GNE: variants seen among roughly 807,000 people sequenced by gnomAD.
GNE encodes glucosamine (UDP-N-acetyl)-2-epimerase/N-acetylmannosamine kinase.
GNE carries 41 observed loss-of-function variants against 61.8 expected under a neutral mutation model. The observed-to-expected ratio is 0.66, with a 90% CI of 0.52 to 0.86. GNE has a LOEUF of 0.86. Among genes scored for constraint, GNE ranks in the 40% least tolerant of loss-of-function variants. The pLI is 0.00. For missense variants in GNE, 608 were observed against 909.1 expected (o/e 0.67, Z 4.26); for synonymous variants, 264 against 326.4 (o/e 0.81, Z 2.06).
Position 36,216,040 on chromosome 9 carries a change from G to T in GNE, c.*1325C>A. 3.4e-6 allele frequency: 1 copy of T among 296,194 alleles called. No individual in the cohort carries two copies. Among genetic ancestry groups the T allele is most frequent in the Middle Eastern group, 1.3e-3 (1 of 778 alleles). The allele number at this position is 296,194 out of a possible 1,614,324, so 18.3% of individuals were successfully genotyped here. On this transcript the variant is annotated 3_prime_UTR_variant, in exon 12 of 12. Coordinates refer to ENST00000642385, the MANE Select transcript of GNE (RefSeq NM_005476.7). The stretch of plus-strand genomic sequence containing the variant: ...AAGGCCACTGTAATTTAGATCCCTG[G>T]TCTAAAGTCTCTTGTAAGTTCAGCT...
intron 3 of GNE, 142 bp from the exon 4 acceptor site, chr9:36,237,126 A>G: frequency 1.5e-6 from 1 of 685,446 alleles, no homozygotes; most frequent in Non-Finnish European, 2.6e-6. Flanking sequence ...TGAACAGGGC[A>G]TCCAAATTAG....
At chr9:36,248,505 G>A (rs1337171687) in intron 2 of GNE, among the ~76,000 whole-genome samples, 3 of 147,378 alleles carry the variant, frequency 2.0e-5, no homozygotes, top group African/African-American at 2.5e-5. Context: ...TGTATTTTTC[G>A]TAGAGATAGG....
At chr9:36,237,722 T>G (rs1829453712) in intron 3 of GNE, among the ~76,000 whole-genome samples, 1 of 152,104 alleles carries the variant, frequency 6.6e-6, no homozygotes, top group Non-Finnish European at 1.5e-5. Flanking sequence ...CATGAGTTAG[T>G]TCTTTGGTGG....
intron 1 of GNE, chr9:36,264,960 G>T: frequency 5.2e-6 from 1 of 192,996 alleles, no homozygotes; most frequent in South Asian, 1.0e-4. Context: ...TACTCTTCTG[G>T]TCCGTGTTTG....
chr9:36,233,267 T>G (rs889489103), intron 5 of GNE, among the ~76,000 whole-genome samples: 10 of 152,236 alleles, frequency 6.6e-5, no homozygotes, highest in African/African-American at 1.9e-4. Context: ...AAGTACTGAC[T>G]GAAGGGATTC....
At chr9:36,250,812 C>T (rs1260606613) in intron 1 of GNE, among the ~76,000 whole-genome samples, 4 of 152,210 alleles carry the variant, frequency 2.6e-5, no homozygotes, top group Admixed American at 2.6e-4. Flanking sequence ...TCCCGAGTAG[C>T]TGGGATTATA....
intron 4 of GNE, among the ~76,000 whole-genome samples, chr9:36,236,542 G>T (rs1307600058): frequency 6.6e-6 from 1 of 152,180 alleles, no homozygotes; most frequent in Non-Finnish European, 1.5e-5. Flanking sequence ...CTTGGCTTCT[G>T]CAGTTTCTTA....
rs542383092 is a variant in GNE at position 36,221,628 on chromosome 9, AC to A, written c.1633+1148del. Among the ~76,000 whole-genome samples, 295 of 152,312 alleles carry A rather than the reference AC, an allele frequency of 1.9e-3. 2 individuals carry two copies. The highest frequency in any genetic ancestry group is 6.9e-3 in the African/African-American group (288 of 41,570). ...AAATGTCAGAATCAACCTTTTTGGA[AC>A]TCTGGAAACTAACCAAAGTTTGCAA... On this transcript the variant is annotated intron_variant, in intron 9 of 11. Transcript: ENST00000642385.
At chr9:36,231,823 C>T (rs1193516803) in intron 5 of GNE, among the ~76,000 whole-genome samples, 1 of 152,180 alleles carries the variant, frequency 6.6e-6, no homozygotes, top group Non-Finnish European at 1.5e-5. Context: ...TTTCTATCTC[C>T]AACTCTAACT....
At chr9:36,272,915 TACAAAAAAAAAA>T (rs1318766576) in intron 1 of GNE, among the ~76,000 whole-genome samples, 3 of 13,856 alleles carry the variant, frequency 2.2e-4, no homozygotes, top group Non-Finnish European at 5.0e-4. Context: ...CTAGTAAAAA[TACAAAAAAAAAA>T]AAAAAAAAAA....
At chr9:36,261,922 C>CA (rs34856029), upstream of GNE, among the ~76,000 whole-genome samples, 82 of 129,960 alleles carry the variant, frequency 6.3e-4, no homozygotes, top group African/African-American at 1.5e-3. Context: ...GACTCAATCT[C>CA]AAAAAAAAAA....
Position 36,218,086 on chromosome 9 carries a change from G to A in GNE, c.1933+97C>T. ...TCTGAACAGACACTGCAAAGCACCTGTCCCTAGGGAAGCAGGGTCTCTTCT... is the reference window on the plus strand; with the variant it reads ...TCTGAACAGACACTGCAAAGCACCTATCCCTAGGGAAGCAGGGTCTCTTCT... On this transcript the variant is annotated intron_variant, in intron 11 of 11. Transcript: ENST00000642385. This position sits in a 1 kb window ranked among gnomAD's most constrained non-coding sequence, Gnocchi z 4.1. The A allele has an allele frequency of 1.2e-6, 1 of 829,580 alleles. No individual in the cohort carries two copies. Among genetic ancestry groups the A allele is most frequent in the South Asian group, 1.3e-5 (1 of 74,948 alleles). 51.4% of individuals were successfully genotyped at this position (829,580 alleles called of 1,614,324 possible). A position where few individuals can be genotyped will look rare whatever the true frequency, so the allele number is the denominator to read the frequency against.
intron 1 of GNE, among the ~76,000 whole-genome samples, chr9:36,265,925 T>G (rs981027217): frequency 2.0e-5 from 3 of 151,972 alleles, no homozygotes; most frequent in African/African-American, 7.3e-5. Context: ...CCCAGTTATT[T>G]TTTTATTTTA....
At chr9:36,241,068 G>A (rs1276664172) in intron 3 of GNE, among the ~76,000 whole-genome samples, 2 of 150,856 alleles carry the variant, frequency 1.3e-5, no homozygotes, top group Non-Finnish European at 2.9e-5. Flanking sequence ...CTTGCCAATG[G>A]TCTAACAGTT....
At chr9:36,257,643 A>T (rs1830418131) in intron 1 of GNE, among the ~76,000 whole-genome samples, 1 of 151,068 alleles carries the variant, frequency 6.6e-6, no homozygotes, top group African/African-American at 2.4e-5. Flanking sequence ...CTCTACTAAA[A>T]ATACAAAAAA....
At chr9:36,257,378 C>A (rs1830399735) in intron 1 of GNE, among the ~76,000 whole-genome samples, 1 of 152,122 alleles carries the variant, frequency 6.6e-6, no homozygotes, top group South Asian at 2.1e-4. Flanking sequence ...CGCTATAATT[C>A]GGTTTGGCTT....
chr9:36,217,279 A>ATTG lies in GNE; in HGVS notation c.*83_*85dup. On this transcript the variant is annotated 3_prime_UTR_variant, in exon 12 of 12. Coordinates refer to ENST00000642385, the MANE Select transcript of GNE (RefSeq NM_005476.7). Reference sequence around the variant, plus strand: ...CACCTGCAGTTCAATACCAGATTTGATTGTTAAGAAACGGTCATCCTAAAG... The same window carrying ATTG: ...CACCTGCAGTTCAATACCAGATTTGATTGTTGTTAAGAAACGGTCATCCTAAAG... 1.1e-6 allele frequency: 1 copy of ATTG among 904,554 alleles called. No homozygotes were observed. The highest frequency in any genetic ancestry group is 2.6e-5 in the East Asian group (1 of 38,534). The allele number at this position is 904,554 out of a possible 1,614,324, so 56.0% of individuals were successfully genotyped here. A position where few individuals can be genotyped will look rare whatever the true frequency, so the allele number is the denominator to read the frequency against.
upstream of GNE, among the ~76,000 whole-genome samples, chr9:36,259,498 G>A (rs1265298429): frequency 6.6e-6 from 1 of 152,136 alleles, no homozygotes; most frequent in East Asian, 1.9e-4. Flanking sequence ...TCAAACTGCA[G>A]TTTGTGATGC....
At chr9:36,265,300 G>T (rs1039585682) in intron 1 of GNE, 41 of 434,054 alleles carry the variant, frequency 9.4e-5, no homozygotes, top group Non-Finnish European at 1.9e-4. Flanking sequence ...GTGGGGCCAA[G>T]AACCCCAGGT....
Sources: allele counts gnomAD v4.1 joint callset (sites outside exome capture counted in the v4.1 genomes callset), GRCh38; gene constraint gnomAD v4.1.1; non-coding constraint Gnocchi (gnomAD v3.1); transcripts MANE v1.5; gene names NCBI Gene and HGNC (gene_info 2026-07-23, HGNC 2026-07-21).